Variants in TLK1 observed in about 807,000 individuals in gnomAD.
The protein encoded by TLK1 is tousled like kinase 1, also known as serine/threonine-protein kinase tousled-like 1.
A neutral mutation model predicts 105.3 loss-of-function variants in TLK1; 24 were observed. The ratio of observed to expected loss-of-function variants is 0.23; its 90% CI spans 0.17 to 0.32. The LOEUF (loss-of-function observed/expected upper bound fraction) is 0.32, where lower values mean the gene tolerates loss of function less well. Among genes scored for constraint, TLK1 ranks in the 10% least tolerant of loss-of-function variants. TLK1 has a pLI of 1.00. For missense variants in TLK1, 558 were observed against 910.5 expected, an observed-to-expected ratio of 0.61 and a Z score of 4.98; for synonymous variants, 321 against 310.4, an observed-to-expected ratio of 1.03 and a Z score of -0.36.
At chr2:171,091,702 G>GC (rs749559840) in intron 2 of TLK1, 1 of 147,264 alleles carries the variant, frequency 6.8e-6, no homozygotes, top group Admixed American at 6.9e-5. Context: ...GCATGGGATG[G>GC]CGGGGGGGTG....
intron 12 of TLK1, chr2:171,022,905 A>C (rs1444366968): frequency 6.0e-5 from 21 of 351,236 alleles, no homozygotes; most frequent in Admixed American, 3.7e-5. Context: ...CCACTGTTCA[A>C]AAGGCTTGTA....
At chr2:171,198,158 T>C (rs1009159693) in intron 1 of TLK1, among the ~76,000 whole-genome samples, 5 of 152,184 alleles carry the variant, frequency 3.3e-5, no homozygotes, top group Admixed American at 6.5e-5. Context: ...ATCTACGTTC[T>C]ATAGTTACCA....
At position 171,053,187 on chromosome 2, in the gene TLK1, A is replaced by G. The variant is rs73976244; in HGVS notation, c.732+574T>C. On this transcript the variant is annotated intron_variant, in intron 8 of 20. Coordinates refer to ENST00000431350, the MANE Select transcript of TLK1 (RefSeq NM_012290.5). Reference sequence around the variant, plus strand: ...TATAATAAAATCAATAAACTTTAACATGAAATGGCTATTTGTGTTATGGTA... The same window carrying G: ...TATAATAAAATCAATAAACTTTAACGTGAAATGGCTATTTGTGTTATGGTA... Among the ~76,000 whole-genome samples, 452 of 152,348 alleles carry G rather than the reference A, an allele frequency of 3.0e-3. 1 individual carries two copies. Among genetic ancestry groups the G allele is most frequent in the African/African-American group, 0.01 (434 of 41,588 alleles).
intron 1 of TLK1, among the ~76,000 whole-genome samples, chr2:171,229,867 G>T (rs1693962258): frequency 1.3e-5 from 2 of 152,140 alleles, no homozygotes; most frequent in Non-Finnish European, 1.5e-5. Context: ...TTGAAAGAAA[G>T]ACTTTCTGAT....
intron 1 of TLK1, among the ~76,000 whole-genome samples, chr2:171,203,465 C>T (rs1290026944): frequency 2.6e-5 from 4 of 152,134 alleles, no homozygotes; most frequent in Non-Finnish European, 4.4e-5. Context: ...TTGTGACTGG[C>T]TTATGTAATG....
chr2:171,185,420 A>G (rs754830389), intron 1 of TLK1, among the ~76,000 whole-genome samples: 4 of 152,134 alleles, frequency 2.6e-5, no homozygotes, highest in Non-Finnish European at 4.4e-5. Context: ...GGTATGGCAA[A>G]TAAAAAGGAT....
upstream of TLK1, among the ~76,000 whole-genome samples, chr2:171,163,973 G>T (rs1196023590): frequency 6.6e-6 from 1 of 152,158 alleles, no homozygotes; most frequent in Non-Finnish European, 1.5e-5. Context: ...CAGTACACCT[G>T]CCTTGGCCTC....
chr2:171,184,658 A>G (rs1474083611), intron 1 of TLK1, among the ~76,000 whole-genome samples: 6 of 149,384 alleles, frequency 4.0e-5, no homozygotes, highest in African/African-American at 1.5e-4. Flanking sequence ...AAAAAAAAAA[A>G]AGAAAGAAAA....
intron 11 of TLK1, among the ~76,000 whole-genome samples, chr2:171,042,167 G>A (rs1686708965): frequency 6.6e-6 from 1 of 152,134 alleles, no homozygotes; most frequent in Non-Finnish European, 1.5e-5. Context: ...CATCTTGGAA[G>A]ACAACTAGTA....
At chr2:171,045,895 A>G (rs1311014386) in intron 11 of TLK1, 3 of 307,056 alleles carry the variant, frequency 9.8e-6, no homozygotes, top group Non-Finnish European at 1.8e-5. Context: ...CAAAACTTTT[A>G]ATTGATTCCT....
chr2:171,223,964 ATCTG>A lies in TLK1; in HGVS notation c.-6+7177_-6+7180del, dbSNP rs1693854250. ...AAGCTTTTTAGTTTGATGTGATCTT[ATCTG>A]TCTATTTTTGCTTTTGTTGCCTGTG... is the stretch of plus-strand genomic sequence containing the variant. On this transcript the variant is annotated intron_variant, in intron 1 of 20. Transcript: ENST00000521943. Among the ~76,000 whole-genome samples, 5 of 151,862 alleles carry A rather than the reference ATCTG, an allele frequency of 3.3e-5. No individual in the cohort carries two copies. In the South Asian group the frequency reaches 1.0e-3, roughly 32 times the overall value.
intron 1 of TLK1, among the ~76,000 whole-genome samples, chr2:171,151,449 A>C (rs1021949147): frequency 6.6e-6 from 1 of 151,524 alleles, no homozygotes; most frequent in Non-Finnish European, 1.5e-5. Context: ...AATAGTGTCC[A>C]GCATTAATAA....
intron 1 of TLK1, among the ~76,000 whole-genome samples, chr2:171,201,180 G>A (rs548145596): frequency 6.6e-6 from 1 of 152,076 alleles, no homozygotes; most frequent in Non-Finnish European, 1.5e-5. Context: ...CACCGCACCC[G>A]GCCTCAAATC....
At chr2:171,067,664 C>G (rs1343285539) in intron 3 of TLK1, among the ~76,000 whole-genome samples, 1 of 151,842 alleles carries the variant, frequency 6.6e-6, no homozygotes, top group Non-Finnish European at 1.5e-5. Flanking sequence ...GCAGAACGTA[C>G]AAGTTTGTTA....
intron 1 of TLK1, among the ~76,000 whole-genome samples, chr2:171,176,415 A>G (rs1190109892): frequency 6.6e-6 from 1 of 152,124 alleles, no homozygotes; most frequent in Non-Finnish European, 1.5e-5. Flanking sequence ...TGGGCTGTCT[A>G]ATAACTCACA....
At chr2:171,180,823 CTT>C (rs57223904) in intron 1 of TLK1, among the ~76,000 whole-genome samples, 11,474 of 122,972 alleles carry the variant, frequency 0.093, 830 homozygotes, top group East Asian at 0.31. Context: ...TAAGAGGATG[CTT>C]TTTTTTTTTT....
intron 1 of TLK1, among the ~76,000 whole-genome samples, chr2:171,151,549 A>G (rs1692037795): frequency 7.4e-6 from 1 of 135,498 alleles, no homozygotes; most frequent in South Asian, 2.2e-4. Context: ...ATCTCAGCTC[A>G]CTGCAAGCTC....
At chr2:171,105,124 C>T (rs566661326) in intron 2 of TLK1, among the ~76,000 whole-genome samples, 2 of 152,274 alleles carry the variant, frequency 1.3e-5, no homozygotes, top group African/African-American at 4.8e-5. Flanking sequence ...ATCTCAAAAG[C>T]ACAGGCAACA....
At chr2:171,067,115 A>G (rs1198607108) in intron 3 of TLK1, 8 of 777,800 alleles carry the variant, frequency 1.0e-5, no homozygotes, top group Non-Finnish European at 1.3e-5. Flanking sequence ...TCTGGTATAC[A>G]TACTTTTAAA....
Sources: gnomAD v4.1 joint callset for allele counts (sites outside exome capture counted in the v4.1 genomes callset) on GRCh38, gnomAD v4.1.1 for gene constraint, MANE v1.5 for transcripts, NCBI Gene and HGNC (gene_info 2026-07-23, HGNC 2026-07-21) for gene names.